FAM135B: variants seen among roughly 807,000 people sequenced by gnomAD.
FAM135B encodes the protein family with sequence similarity 135 member B.
FAM135B carries 43 observed loss-of-function variants against 127.7 expected under a neutral mutation model. The observed-to-expected ratio is 0.34, with a 90% CI of 0.26 to 0.43. FAM135B has a LOEUF of 0.43. FAM135B is among the 20% of genes least tolerant of loss of function. The pLI, the probability that FAM135B is intolerant of heterozygous loss-of-function variation, is 1.00. For missense variants in FAM135B, 1,558 were observed against 1,725.6 expected, an observed-to-expected ratio of 0.90 and a Z score of 1.72; for synonymous variants, 670 against 665.1, an observed-to-expected ratio of 1.01 and a Z score of -0.11.
intron 1 of FAM135B, among the ~76,000 whole-genome samples, chr8:138,386,235 A>C (rs1377562281): frequency 3.3e-5 from 5 of 152,042 alleles, no homozygotes; most frequent in South Asian, 2.1e-4. Context: ...AAAAAAAAAA[A>C]CAAAAACAAA....
chr8:138,192,423 A>G (rs999687017), intron 9 of FAM135B, among the ~76,000 whole-genome samples: 7 of 152,322 alleles, frequency 4.6e-5, no homozygotes, highest in African/African-American at 1.7e-4. Flanking sequence ...AAATTAGCCA[A>G]AATCTTCGAA....
chr8:138,290,454 G>A (rs765243549), intron 3 of FAM135B, among the ~76,000 whole-genome samples: 5 of 152,008 alleles, frequency 3.3e-5, no homozygotes, highest in Non-Finnish European at 7.4e-5. Context: ...TTTAACTTTT[G>A]CCTTTTTTCT....
chr8:138,232,250 G>C lies in FAM135B; in HGVS notation c.669+10692C>G, dbSNP rs965272353. On this transcript the variant is annotated intron_variant, in intron 7 of 19. Transcript: ENST00000395297. ...ATGCTGGGCACCAAGGACATAGTGG[G>C]GGGGAGCCCTGGACTGTCTGGGAAG... Among the ~76,000 whole-genome samples the C allele has an allele frequency of 1.1e-4, 16 of 152,218 alleles. 2 individuals carry two copies. Among genetic ancestry groups the C allele is most frequent in the Admixed American group, 1.0e-3 (16 of 15,284 alleles).
At chr8:138,473,988 A>G (rs1250570672) in intron 1 of FAM135B, among the ~76,000 whole-genome samples, 1 of 152,214 alleles carries the variant, frequency 6.6e-6, no homozygotes, top group African/African-American at 2.4e-5. Context: ...TTTGTTATGC[A>G]CACCACATAA....
chr8:138,229,387 T>C (rs1450010675), intron 7 of FAM135B, among the ~76,000 whole-genome samples: 1 of 152,190 alleles, frequency 6.6e-6, no homozygotes, highest in African/African-American at 2.4e-5. Context: ...ATGTTAATGA[T>C]GTCTTGCACA....
chr8:138,328,507 C>A (rs753970522), intron 2 of FAM135B, among the ~76,000 whole-genome samples: 1 of 152,072 alleles, frequency 6.6e-6, no homozygotes, highest in Non-Finnish European at 1.5e-5. Context: ...TGGGGAAATG[C>A]GGGAGGGCAA....
chr8:138,281,447 C>T (rs1388798565), intron 3 of FAM135B, among the ~76,000 whole-genome samples: 5 of 130,132 alleles, frequency 3.8e-5, no homozygotes, highest in East Asian at 2.4e-4. Context: ...ATCTGATTTC[C>T]GTCCCCTTAG....
At chr8:138,293,348 C>G (rs1825254146) in intron 3 of FAM135B, among the ~76,000 whole-genome samples, 2 of 152,078 alleles carry the variant, frequency 1.3e-5, no homozygotes, top group African/African-American at 4.8e-5. Flanking sequence ...TATGCAAAGA[C>G]TTTATGACAA....
chr8:138,145,414 G>A (rs1817567601), intron 15 of FAM135B, among the ~76,000 whole-genome samples: 1 of 152,124 alleles, frequency 6.6e-6, no homozygotes, highest in Admixed American at 6.5e-5. Context: ...CTCCTCTCCA[G>A]CACAGCCTGA....
At position 138,380,989 on chromosome 8, in the gene FAM135B, A is replaced by AC. The variant is rs374191711; in HGVS notation, c.-19-12988_-19-12987insG. Among the ~76,000 whole-genome samples the AC allele has an allele frequency of 4.9e-4, 74 of 151,706 alleles. 1 individual carries two copies. The highest frequency in any genetic ancestry group is 3.5e-3 in the East Asian group (18 of 5,072). On this transcript the variant is annotated intron_variant, in intron 1 of 19. Transcript: ENST00000395297. Reference sequence around the variant, plus strand: ...ACATGCACAAAAAACAAACAAACAAAAAAAAACAGAACATTTGCATGGTTT... The same window carrying AC: ...ACATGCACAAAAAACAAACAAACAAACAAAAAACAGAACATTTGCATGGTTT...
intron 1 of FAM135B, among the ~76,000 whole-genome samples, chr8:138,405,969 G>T (rs1833459911): frequency 6.6e-6 from 1 of 151,840 alleles, no homozygotes; most frequent in Non-Finnish European, 1.5e-5. Context: ...GGCCAGTGAT[G>T]ATGAGCATTT....
At chr8:138,377,147 G>C (rs7825821) in intron 1 of FAM135B, among the ~76,000 whole-genome samples, 77,471 of 152,050 alleles carry the variant, frequency 0.51, 22,160 homozygotes, top group East Asian at 0.82. Flanking sequence ...TTTAAAACGT[G>C]AATCTTCAGA....
chr8:138,187,306 A>C lies in FAM135B; in HGVS notation c.873+7952T>G, dbSNP rs1815669416. Among the ~76,000 whole-genome samples, 3 of 152,160 alleles carry C rather than the reference A, an allele frequency of 2.0e-5. No individual in the cohort carries two copies. In the South Asian group the frequency reaches 6.2e-4, roughly 32 times the overall value. ...TGGGAAAAATTCGTATCTGCAGAGA[A>C]CCTCTAATAATGAAGCCAGGCTCCC... On this transcript the variant is annotated intron_variant, in intron 9 of 19. Transcript: ENST00000395297.
At position 138,130,190 on chromosome 8, in the gene FAM135B, T is replaced by C. The variant is rs1204758882; in HGVS notation, c.*2403A>G. On this transcript the variant is annotated 3_prime_UTR_variant, in exon 20 of 20. Transcript: ENST00000395297. ...AATAATAGAATGTCCCTGTTTTACATAATATATATTTATATATATTTTATG... is the reference window on the plus strand; with the variant it reads ...AATAATAGAATGTCCCTGTTTTACACAATATATATTTATATATATTTTATG... 6.7e-6 allele frequency: 1 copy of C among 149,762 alleles called. No homozygotes were observed. The highest frequency in any genetic ancestry group is 1.5e-5 in the Non-Finnish European group (1 of 67,560). The allele number at this position is 149,762 out of a possible 1,614,324, so 9.3% of individuals were successfully genotyped here. A position where few individuals can be genotyped will look rare whatever the true frequency, so the allele number is the denominator to read the frequency against.
At chr8:138,455,407 T>G (rs1298560368) in intron 1 of FAM135B, among the ~76,000 whole-genome samples, 1 of 152,172 alleles carries the variant, frequency 6.6e-6, no homozygotes, top group Non-Finnish European at 1.5e-5. Context: ...TCTCTTAAGA[T>G]TCTAGCCAAC....
chr8:138,146,709 T>C (rs373938433), intron 14 of FAM135B, among the ~76,000 whole-genome samples: 1 of 151,648 alleles, frequency 6.6e-6, no homozygotes, highest in Admixed American at 6.6e-5. Context: ...GAAAAAAAAA[T>C]GGATTTACTA....
intron 2 of FAM135B, chr8:138,367,346 G>A (rs1830802815): frequency 2.2e-6 from 1 of 455,498 alleles, no homozygotes; most frequent in Non-Finnish European, 4.4e-6. Flanking sequence ...GAGCCTTGGA[G>A]GTAAGTCTAT....
chr8:138,333,934 G>C (rs1198969915), intron 2 of FAM135B, among the ~76,000 whole-genome samples: 1 of 152,036 alleles, frequency 6.6e-6, no homozygotes, highest in African/African-American at 2.4e-5. Context: ...TTTGAGGGGA[G>C]GGGGGAACGG....
intron 3 of FAM135B, among the ~76,000 whole-genome samples, chr8:138,289,071 T>C (rs1301032935): frequency 6.6e-6 from 1 of 152,214 alleles, no homozygotes; most frequent in Non-Finnish European, 1.5e-5. Context: ...AGTCTCTCAT[T>C]ACCCACTGTT....
Sources: gnomAD v4.1 joint callset for allele counts (sites outside exome capture counted in the v4.1 genomes callset) on GRCh38, gnomAD v4.1.1 for gene constraint, MANE v1.5 for transcripts, NCBI Gene and HGNC (gene_info 2026-07-23, HGNC 2026-07-21) for gene names.